SEC61G: variants seen among roughly 807,000 people sequenced by gnomAD.
The protein encoded by SEC61G is protein transport protein Sec61 subunit gamma.
In SEC61G, 4 loss-of-function variants were observed where a neutral mutation model predicts 7.5. The observed-to-expected ratio is 0.54, with a 90% CI of 0.26 to 1.22. The LOEUF is 1.22. SEC61G is among the 50% of genes most tolerant of loss of function. The probability of loss-of-function intolerance (pLI) is 0.12; values close to 1 mark genes in which losing one functional copy is unlikely to be tolerated. For missense variants in SEC61G, 53 were observed against 84.6 expected (o/e 0.63, Z 1.46); for synonymous variants, 24 against 24.4 (o/e 0.98, Z 0.05).
At chr7:54,758,550 T>C (rs1470627628) in intron 1 of SEC61G, among the ~76,000 whole-genome samples, 1 of 152,194 alleles carries the variant, frequency 6.6e-6, no homozygotes, top group African/African-American at 2.4e-5. Context: ...AACACAGTAA[T>C]GTCTGTTTTC....
Position 54,759,177 on chromosome 7 carries a change from A to G in SEC61G, c.-26T>C, listed in dbSNP as rs1292402946. On this transcript the variant is annotated 5_prime_UTR_variant, in exon 1 of 4. Transcript: ENST00000352861. ...ACTCACCTACCCAACCGACACCTAA[A>G]ATGCCAGGGACACGTAGCACTGGAG... 1.9e-6 allele frequency: 1 copy of G among 518,936 alleles called. No homozygotes were observed. Among genetic ancestry groups the G allele is most frequent in the South Asian group, 1.4e-5 (1 of 71,582 alleles). 32.1% of individuals were successfully genotyped at this position (518,936 alleles called of 1,614,324 possible).
At chr7:54,754,016 C>T (rs1791461009) in intron 3 of SEC61G, among the ~76,000 whole-genome samples, 3 of 152,176 alleles carry the variant, frequency 2.0e-5, no homozygotes, top group African/African-American at 7.2e-5. Flanking sequence ...CTGGACCAGA[C>T]TCTATAGGAG....
intron 3 of SEC61G, 42 bp downstream of exon 3, chr7:54,755,737 G>T (rs1791500622): frequency 4.4e-6 from 5 of 1,137,790 alleles, no homozygotes; most frequent in South Asian, 3.0e-5. Context: ...AAATGGTTTT[G>T]AGTTTCATTC....
chr7:54,752,747 T>C (rs1408480796), intron 3 of SEC61G, among the ~76,000 whole-genome samples: 3 of 152,138 alleles, frequency 2.0e-5, no homozygotes, highest in Non-Finnish European at 4.4e-5. Flanking sequence ...TTGAGAAGCT[T>C]TTCAAGTTGA....
At chr7:54,759,110 G>T in intron 1 of SEC61G, 48 bp downstream of exon 1, 1 of 506,540 alleles carries the variant, frequency 2.0e-6, no homozygotes, top group East Asian at 5.7e-5. Flanking sequence ...GAGTCGCAAA[G>T]GTGTGGCCGC....
chr7:54,752,492 A>C (rs1791433887), intron 3 of SEC61G, 72 bp from the exon 4 acceptor site: 1 of 1,005,446 alleles, frequency 9.9e-7, no homozygotes, highest in Admixed American at 2.5e-5. Context: ...TTTGAAATGC[A>C]ATATGCTATA....
chr7:54,756,731 T>C (rs1266150195), intron 2 of SEC61G, among the ~76,000 whole-genome samples: 1 of 152,024 alleles, frequency 6.6e-6, no homozygotes, highest in Non-Finnish European at 1.5e-5. Flanking sequence ...CTTTCCCTGA[T>C]CTCCTGACTT....
intron 3 of SEC61G, among the ~76,000 whole-genome samples, chr7:54,754,031 A>G (rs915119189): frequency 1.3e-5 from 2 of 152,244 alleles, no homozygotes; most frequent in African/African-American, 2.4e-5. Context: ...TAGGAGAGAC[A>G]TACAATATAA....
intron 3 of SEC61G, among the ~76,000 whole-genome samples, chr7:54,753,942 C>G (rs1274058152): frequency 6.6e-6 from 1 of 152,066 alleles, no homozygotes. Context: ...AAGACAAGAA[C>G]CTGAAGTTGT....
intron 2 of SEC61G, 80 bp downstream of exon 2, chr7:54,757,415 C>G: frequency 9.3e-7 from 1 of 1,078,588 alleles, no homozygotes; most frequent in South Asian, 1.3e-5. Flanking sequence ...AATGCAAGGG[C>G]TATTAATCAA....
intron 2 of SEC61G, among the ~76,000 whole-genome samples, chr7:54,756,225 T>C (rs1791510303): frequency 6.6e-6 from 1 of 152,112 alleles, no homozygotes. Context: ...TTATTTTTCT[T>C]AAGTTTTAAA....
intron 2 of SEC61G, 26 bp downstream of exon 2, chr7:54,757,467 ATT>A (rs772268027): frequency 1.2e-4 from 194 of 1,571,242 alleles, no homozygotes; most frequent in East Asian, 6.0e-4. Flanking sequence ...CAAAGATTTA[ATT>A]TTTTCTCTCA....
chr7:54,758,455 T>C (rs573562210), intron 1 of SEC61G, among the ~76,000 whole-genome samples: 76 of 152,218 alleles, frequency 5.0e-4, no homozygotes, highest in Non-Finnish European at 9.1e-4. Flanking sequence ...TAAGCCCCAG[T>C]TGCCTTCCTT....
Position 54,755,884 on chromosome 7 carries a change from G to T in SEC61G, c.95-3C>A. On this transcript the variant is annotated splice_region_variant and splice_polypyrimidine_tract_variant and intron_variant, in intron 2 of 3. Transcript: ENST00000352861. ...TGCCATGGCAATCTTCTGGAATTCTGCATTTAAAAACAGGAAATTCACATA... is the reference window on the plus strand; with the variant it reads ...TGCCATGGCAATCTTCTGGAATTCTTCATTTAAAAACAGGAAATTCACATA... 1 of 1,556,816 alleles carries T rather than the reference G, an allele frequency of 6.4e-7. No individual in the cohort carries two copies. The highest frequency in any genetic ancestry group is 8.7e-7 in the Non-Finnish European group (1 of 1,146,006).
intron 2 of SEC61G, among the ~76,000 whole-genome samples, chr7:54,756,315 G>A (rs1791512414): frequency 6.6e-6 from 1 of 152,168 alleles, no homozygotes; most frequent in African/African-American, 2.4e-5. Flanking sequence ...TATAAACGAT[G>A]GGTCCGGTGC....
chr7:54,758,402 C>CA (rs1791563302), intron 1 of SEC61G, among the ~76,000 whole-genome samples: 1 of 152,116 alleles, frequency 6.6e-6, no homozygotes, highest in Admixed American at 6.5e-5. Context: ...GAACAGTGGC[C>CA]AGGTGGTAGT....
chr7:54,754,535 T>G (rs2116342355), intron 3 of SEC61G, among the ~76,000 whole-genome samples: 1 of 152,324 alleles, frequency 6.6e-6, no homozygotes, highest in South Asian at 2.1e-4. Context: ...GCCCATCTAG[T>G]TCTAACTATT....
At chr7:54,757,857 A>T (rs1444314304) in intron 1 of SEC61G, among the ~76,000 whole-genome samples, 2 of 152,248 alleles carry the variant, frequency 1.3e-5, no homozygotes, top group East Asian at 3.8e-4. Flanking sequence ...CACACGCAAT[A>T]TAAAAAGCCT....
At chr7:54,753,865 T>A (rs925202527) in intron 3 of SEC61G, among the ~76,000 whole-genome samples, 1 of 152,176 alleles carries the variant, frequency 6.6e-6, no homozygotes, top group African/African-American at 2.4e-5. Flanking sequence ...ATTAAATGAG[T>A]TGACACACAG....
Sources: gnomAD v4.1 joint callset for allele counts (sites outside exome capture counted in the v4.1 genomes callset) on GRCh38, gnomAD v4.1.1 for gene constraint, MANE v1.5 for transcripts, NCBI Gene and HGNC (gene_info 2026-07-23, HGNC 2026-07-21) for gene names.